HIBADH: variants seen among roughly 807,000 people sequenced by gnomAD.
The protein encoded by HIBADH is 3-hydroxyisobutyrate dehydrogenase, mitochondrial.
Under a neutral mutation model 36.1 loss-of-function variants are expected in HIBADH, and 25 were observed. That is an observed-to-expected ratio of 0.69 (90% CI 0.50 to 0.97). The LOEUF (loss-of-function observed/expected upper bound fraction) is 0.97. Ranked by LOEUF, HIBADH falls within the 50% of genes least tolerant of loss-of-function variation. The pLI is 0.00. For missense variants in HIBADH, 421 were observed against 418.0 expected (o/e 1.01, Z -0.06); for synonymous variants, 160 against 149.5 (o/e 1.07, Z -0.51).
Position 27,542,858 on chromosome 7 carries a change from A to G in HIBADH, c.618+109T>C, listed in dbSNP as rs950012045. The G allele has an allele frequency of 8.3e-6, 10 of 1,209,854 alleles. No homozygotes were observed. In the Admixed American group the frequency reaches 2.3e-4, roughly 27 times the overall value. The allele number at this position is 1,209,854 out of a possible 1,614,324, so 74.9% of individuals were successfully genotyped here. On this transcript the variant is annotated intron_variant, in intron 5 of 7. Transcript: ENST00000265395. ...AAATAAATGTTTTAAAATCTGAGCA[A>G]AGAATCCATAGGTTGAAGAAAGAAG... is the stretch of plus-strand genomic sequence containing the variant.
intron 4 of HIBADH, among the ~76,000 whole-genome samples, chr7:27,570,881 C>T (rs1452530090): frequency 2.0e-5 from 3 of 152,060 alleles, no homozygotes; most frequent in African/African-American, 7.2e-5. Flanking sequence ...ATTTGATATA[C>T]ATTGTCCTTC....
chr7:27,646,689 AT>A lies in HIBADH; in HGVS notation c.252+2783del, dbSNP rs34491908. Among the ~76,000 whole-genome samples, 550 of 74,824 alleles carry A rather than the reference AT, an allele frequency of 7.4e-3. 1 individual carries two copies. The highest frequency in any genetic ancestry group is 0.03 in the African/African-American group (506 of 17,036). The allele number at this position is 74,824 out of a possible 152,430, so 49.1% of individuals were successfully genotyped here. On this transcript the variant is annotated intron_variant, in intron 2 of 7. Coordinates refer to ENST00000265395, the MANE Select transcript of HIBADH (RefSeq NM_152740.4). ...ACAGGCACACACAACCACGCCCAGCATTTTTTTTTTTTTTTTTTTTTTTTGA... is the reference window on the plus strand; with the variant it reads ...ACAGGCACACACAACCACGCCCAGCATTTTTTTTTTTTTTTTTTTTTTTGA...
intron 4 of HIBADH, among the ~76,000 whole-genome samples, chr7:27,560,561 A>G (rs1051351948): frequency 1.3e-5 from 2 of 152,248 alleles, no homozygotes; most frequent in Non-Finnish European, 2.9e-5. Flanking sequence ...TGTACCCAAA[A>G]TAAATATATC....
intron 4 of HIBADH, among the ~76,000 whole-genome samples, chr7:27,585,134 A>G (rs1206724867): frequency 6.6e-6 from 1 of 152,066 alleles, no homozygotes; most frequent in Admixed American, 6.5e-5. Flanking sequence ...GAGCTTTTAT[A>G]CATACATACA....
chr7:27,661,077 G>A (rs1786407217), intron 1 of HIBADH, among the ~76,000 whole-genome samples: 1 of 152,144 alleles, frequency 6.6e-6, no homozygotes, highest in South Asian at 2.1e-4. Flanking sequence ...ATTCTTTTAG[G>A]GTTATCTCAA....
intron 4 of HIBADH, among the ~76,000 whole-genome samples, chr7:27,594,143 TG>T (rs1422296880): frequency 3.5e-4 from 20 of 57,232 alleles, no homozygotes; most frequent in African/African-American, 2.4e-3. Flanking sequence ...AAGATGTTTT[TG>T]TTTTTTTGTT....
chr7:27,659,552 AAAAAAAAT>A (rs1185666331), intron 1 of HIBADH, among the ~76,000 whole-genome samples: 1 of 142,160 alleles, frequency 7.0e-6, no homozygotes, highest in African/African-American at 2.5e-5. Context: ...CCATCTCTAC[AAAAAAAAT>A]AAATAAATAA....
chr7:27,616,267 C>T (rs1562645096), intron 4 of HIBADH, among the ~76,000 whole-genome samples: 1 of 152,140 alleles, frequency 6.6e-6, no homozygotes, highest in Admixed American at 6.6e-5. Flanking sequence ...TAGCATTAAT[C>T]TATTCACGAG....
intron 1 of HIBADH, among the ~76,000 whole-genome samples, chr7:27,655,577 GA>G (rs1279450710): frequency 1.3e-5 from 2 of 151,704 alleles, no homozygotes; most frequent in African/African-American, 4.8e-5. Context: ...TATCTATATG[GA>G]AAAAATATCA....
chr7:27,626,633 C>T (rs769415525), intron 4 of HIBADH, among the ~76,000 whole-genome samples: 15 of 152,180 alleles, frequency 9.9e-5, no homozygotes, highest in Middle Eastern at 3.4e-3. Flanking sequence ...TAGGGGGAAA[C>T]GCTTGACTGA....
At chr7:27,633,424 G>A (rs1045292020) in intron 2 of HIBADH, among the ~76,000 whole-genome samples, 1 of 152,106 alleles carries the variant, frequency 6.6e-6, no homozygotes, top group Non-Finnish European at 1.5e-5. Flanking sequence ...TTGGGAGGCC[G>A]GAGCAGAAGG....
intron 4 of HIBADH, among the ~76,000 whole-genome samples, chr7:27,564,773 C>T (rs1195618210): frequency 1.3e-5 from 2 of 152,176 alleles, no homozygotes; most frequent in Non-Finnish European, 2.9e-5. Flanking sequence ...GAACACAGTA[C>T]ACTTCATTTA....
At chr7:27,571,439 G>A (rs1268826996) in intron 4 of HIBADH, among the ~76,000 whole-genome samples, 1 of 152,060 alleles carries the variant, frequency 6.6e-6, no homozygotes, top group East Asian at 1.9e-4. Flanking sequence ...TGGTCAGGCT[G>A]GTCTCAAACT....
chr7:27,575,146 G>C (rs1266982280), intron 4 of HIBADH, among the ~76,000 whole-genome samples: 2 of 152,264 alleles, frequency 1.3e-5, no homozygotes, highest in African/African-American at 4.8e-5. Flanking sequence ...CTGCCAAATA[G>C]GTTTTTTAAT....
chr7:27,529,353 C>T (rs1783959312), intron 7 of HIBADH, among the ~76,000 whole-genome samples: 1 of 152,034 alleles, frequency 6.6e-6, no homozygotes, highest in Non-Finnish European at 1.5e-5. Context: ...TAAACTGAAA[C>T]CTTATGAAAA....
chr7:27,593,688 AAGAG>A (rs1460727468), intron 4 of HIBADH, among the ~76,000 whole-genome samples: 5 of 152,180 alleles, frequency 3.3e-5, no homozygotes, highest in African/African-American at 1.2e-4. Flanking sequence ...CCAGTTAAGA[AAGAG>A]AGATAAAACT....
chr7:27,584,861 C>T (rs1184493855), intron 4 of HIBADH, among the ~76,000 whole-genome samples: 1 of 151,964 alleles, frequency 6.6e-6, no homozygotes, highest in African/African-American at 2.4e-5. Context: ...GTTTTACTCA[C>T]CATTCCTTTT....
intron 4 of HIBADH, among the ~76,000 whole-genome samples, chr7:27,563,962 G>C (rs1011384587): frequency 6.8e-6 from 1 of 146,186 alleles, no homozygotes; most frequent in African/African-American, 2.6e-5. Context: ...GCAGTGGCAC[G>C]ATCTCGGCTC....
chr7:27,644,225 G>C (rs1786014529), intron 2 of HIBADH, among the ~76,000 whole-genome samples: 1 of 152,078 alleles, frequency 6.6e-6, no homozygotes, highest in Non-Finnish European at 1.5e-5. Flanking sequence ...CAGCACTTTG[G>C]GAGGCCGAGG....
Sources: allele counts gnomAD v4.1 joint callset (sites outside exome capture counted in the v4.1 genomes callset), GRCh38; gene constraint gnomAD v4.1.1; transcripts MANE v1.5; gene names NCBI Gene and HGNC (gene_info 2026-07-23, HGNC 2026-07-21).